ZBTB20: variants seen among roughly 807,000 people sequenced by gnomAD.
ZBTB20 encodes the protein zinc finger and BTB domain-containing protein 20.
A neutral mutation model predicts 56.9 loss-of-function variants in ZBTB20; 9 were observed. That is an observed-to-expected ratio of 0.16 (90% CI 0.10 to 0.28). ZBTB20 has a LOEUF of 0.28. ZBTB20 is among the 10% of genes least tolerant of loss of function. ZBTB20 has a pLI of 1.00. For synonymous variants in ZBTB20, 417 were observed against 420.7 expected, an observed-to-expected ratio of 0.99 and a Z score of 0.11; for missense variants, 655 against 1,003.0, an observed-to-expected ratio of 0.65 and a Z score of 4.69.
intron 3 of ZBTB20, among the ~76,000 whole-genome samples, chr3:114,956,253 A>G (rs1251930480): frequency 6.6e-6 from 1 of 152,198 alleles, no homozygotes; most frequent in Non-Finnish European, 1.5e-5. Context: ...AGCAGGGGAC[A>G]AAGTTAAAAC....
intron 6 of ZBTB20, among the ~76,000 whole-genome samples, chr3:114,551,782 G>A (rs780250968): frequency 1.2e-4 from 18 of 152,210 alleles, no homozygotes; most frequent in Non-Finnish European, 2.5e-4. Context: ...TGTGAGTAGA[G>A]GTGAAACATA....
intron 1 of ZBTB20, among the ~76,000 whole-genome samples, chr3:115,076,176 C>A (rs1413085124): frequency 6.6e-6 from 1 of 152,052 alleles, no homozygotes; most frequent in Non-Finnish European, 1.5e-5. Context: ...AATGTCCATA[C>A]CCAAAGTGAT....
intron 11 of ZBTB20, among the ~76,000 whole-genome samples, chr3:114,344,787 C>T (rs927523588): frequency 5.3e-5 from 8 of 152,302 alleles, no homozygotes; most frequent in Non-Finnish European, 1.0e-4. Flanking sequence ...GGCCCAATCA[C>T]CAACATTGTT....
chr3:114,874,588 A>G (rs141759485), intron 4 of ZBTB20, among the ~76,000 whole-genome samples: 1 of 152,276 alleles, frequency 6.6e-6, no homozygotes, highest in Non-Finnish European at 1.5e-5. Context: ...ACCACTCTCA[A>G]TAGAGACCAC....
chr3:115,036,635 G>T (rs181406028), intron 2 of ZBTB20, among the ~76,000 whole-genome samples: 8 of 152,202 alleles, frequency 5.3e-5, no homozygotes, highest in Admixed American at 2.6e-4. Flanking sequence ...GGATGGTCTC[G>T]ATCTCTTGAC....
intron 7 of ZBTB20, among the ~76,000 whole-genome samples, chr3:114,448,872 A>G (rs2091431974): frequency 6.6e-6 from 1 of 152,170 alleles, no homozygotes; most frequent in Non-Finnish European, 1.5e-5. Context: ...CAGTAATGCT[A>G]ACCTTTTCTC....
chr3:114,977,127 T>C (rs2078134535), intron 2 of ZBTB20, among the ~76,000 whole-genome samples: 1 of 152,218 alleles, frequency 6.6e-6, no homozygotes, highest in Admixed American at 6.5e-5. Context: ...GAGGCCACTC[T>C]CTTTACTATT....
intron 6 of ZBTB20, among the ~76,000 whole-genome samples, chr3:114,574,151 T>C (rs988945203): frequency 1.3e-5 from 2 of 152,178 alleles, no homozygotes; most frequent in African/African-American, 4.8e-5. Context: ...TATGTGGTGA[T>C]ACATATGGAT....
At chr3:115,062,584 G>A (rs980110500) in intron 2 of ZBTB20, among the ~76,000 whole-genome samples, 4 of 151,934 alleles carry the variant, frequency 2.6e-5, no homozygotes, top group Admixed American at 1.3e-4. Context: ...TTGCTGTTGG[G>A]TTTTTATTGT....
chr3:114,494,695 C>T (rs1184473723), intron 7 of ZBTB20, among the ~76,000 whole-genome samples: 3 of 152,192 alleles, frequency 2.0e-5, no homozygotes, highest in Non-Finnish European at 2.9e-5. Context: ...AAGTGTTGCT[C>T]ATATGCAGAT....
chr3:114,549,753 T>C (rs1369351034), intron 6 of ZBTB20, among the ~76,000 whole-genome samples: 2 of 138,694 alleles, frequency 1.4e-5, no homozygotes, highest in African/African-American at 5.3e-5. Context: ...GACCTTTTTC[T>C]TTTTTTTTTT....
chr3:114,808,478 A>G (rs2072283746), intron 4 of ZBTB20, among the ~76,000 whole-genome samples: 1 of 151,924 alleles, frequency 6.6e-6, no homozygotes, highest in Non-Finnish European at 1.5e-5. Context: ...AACTATAACT[A>G]TACCTCATAA....
At chr3:114,476,136 T>C (rs938708925) in intron 7 of ZBTB20, among the ~76,000 whole-genome samples, 2 of 152,186 alleles carry the variant, frequency 1.3e-5, no homozygotes, top group Non-Finnish European at 2.9e-5. Context: ...ATAGTATAAA[T>C]AGTTCATACT....
intron 3 of ZBTB20, among the ~76,000 whole-genome samples, chr3:114,901,644 A>T (rs1428322881): frequency 6.6e-6 from 1 of 152,140 alleles, no homozygotes; most frequent in Non-Finnish European, 1.5e-5. Context: ...TAATAGAAAA[A>T]TAATTAAATA....
intron 6 of ZBTB20, among the ~76,000 whole-genome samples, chr3:114,588,806 C>T (rs762759171): frequency 6.6e-6 from 1 of 152,112 alleles, no homozygotes; most frequent in East Asian, 1.9e-4. Context: ...GAATCTTAAT[C>T]CATATTAGTC....
At chr3:114,790,200 A>C (rs2070841791) in intron 5 of ZBTB20, among the ~76,000 whole-genome samples, 1 of 152,222 alleles carries the variant, frequency 6.6e-6, no homozygotes, top group Non-Finnish European at 1.5e-5. Flanking sequence ...TCTGAGAATT[A>C]AAGAATTTTT....
At chr3:114,729,347 T>G (rs2065551373) in intron 5 of ZBTB20, among the ~76,000 whole-genome samples, 1 of 152,234 alleles carries the variant, frequency 6.6e-6, no homozygotes, top group Non-Finnish European at 1.5e-5. Context: ...CATTTTCCAT[T>G]AATTGTTATG....
At chr3:114,744,983 C>G (rs538449877) in intron 5 of ZBTB20, among the ~76,000 whole-genome samples, 1 of 152,194 alleles carries the variant, frequency 6.6e-6, no homozygotes, top group Non-Finnish European at 1.5e-5. Flanking sequence ...ATTAGAACAG[C>G]TATGCAGACA....
rs151248206 is a variant in ZBTB20, at chr3:114,604,930, G to A, written c.-295+88598C>T. ...GACCTGGATGTTTGCTTGTTGCTAC[G>A]TAATAAGAACAAAACACATTTCTTG... is the stretch of plus-strand genomic sequence containing the variant. On this transcript the variant is annotated intron_variant, in intron 6 of 11. Transcript: ENST00000675478. Among the ~76,000 whole-genome samples, 573 of 152,158 alleles carry A rather than the reference G, an allele frequency of 3.8e-3. 1 individual carries two copies. Among genetic ancestry groups the A allele is most frequent in the Middle Eastern group, 0.014 (4 of 292 alleles).
Sources: allele counts gnomAD v4.1 joint callset (sites outside exome capture counted in the v4.1 genomes callset), GRCh38; gene constraint gnomAD v4.1.1; transcripts MANE v1.5; gene names NCBI Gene and HGNC (gene_info 2026-07-23, HGNC 2026-07-21).